The following TSC22D2 variants were observed in gnomAD, a reference collection of about 807,000 sequenced individuals.
TSC22D2 encodes TSC22 domain family protein 2.
Under a neutral mutation model 50.1 loss-of-function variants are expected in TSC22D2, and 5 were observed. That is an observed-to-expected ratio of 0.10 (90% confidence interval 0.05 to 0.21). The LOEUF (loss-of-function observed/expected upper bound fraction) is 0.21. Ranked by LOEUF, TSC22D2 falls within the 10% of genes least tolerant of loss-of-function variation. The pLI, the probability that TSC22D2 is intolerant of heterozygous loss-of-function variation, is 1.00. For missense variants in TSC22D2, 1,003 were observed against 1,015.5 expected (o/e 0.99, Z 0.17); for synonymous variants, 501 against 450.1 (o/e 1.11, Z -1.43).
intron 1 of TSC22D2, among the ~76,000 whole-genome samples, chr3:150,453,674 G>C (rs550268786): frequency 6.6e-5 from 10 of 152,220 alleles, no homozygotes; most frequent in Non-Finnish European, 1.5e-4. Context: ...TTCTGGTTCA[G>C]GGACTACACT....
intron 1 of TSC22D2, among the ~76,000 whole-genome samples, chr3:150,421,112 T>A (rs1413681612): frequency 1.3e-5 from 2 of 152,172 alleles, no homozygotes; most frequent in Non-Finnish European, 2.9e-5. Context: ...TAAAGTTCTT[T>A]TAAAGAATAT....
chr3:150,420,485 A>G (rs1157889026), intron 1 of TSC22D2, among the ~76,000 whole-genome samples: 2 of 152,240 alleles, frequency 1.3e-5, no homozygotes, highest in Non-Finnish European at 2.9e-5. Context: ...GAATGTATGT[A>G]GAAAGAGTGA....
rs1475295286 is a variant in TSC22D2, at chr3:150,410,390, G to C, written c.1040G>C (p.Gly347Ala). ...CCTCCGCAGCCGGGCCCTGCAGTGG[G>C]CGCCCCCGCGGCGCAGCAGCCCCAG... ...SLPPQPGPAV[G>A]APAAQQPQQF... The change falls in exon 1 of 3, where the codon GGC (glycine) becomes GCC (alanine). Residue 347 changes from glycine (G) to alanine (A), a missense_variant. Gly to Ala is a moderately conservative substitution (Grantham distance 60). Coordinates refer to ENST00000688009, the MANE Select transcript of TSC22D2 (RefSeq NM_001303264.2). 1 of 1,606,468 alleles carries C rather than the reference G, an allele frequency of 6.2e-7. No individual in the cohort carries two copies. The highest frequency in any genetic ancestry group is 8.5e-7 in the Non-Finnish European group (1 of 1,177,264).
At chr3:150,411,951 T>C (rs1719590702) in intron 1 of TSC22D2, among the ~76,000 whole-genome samples, 1 of 152,238 alleles carries the variant, frequency 6.6e-6, no homozygotes, top group Non-Finnish European at 1.5e-5. Context: ...TGGAAAGATA[T>C]TCTTACTTTC....
In TSC22D2 at chr3:150,460,344, T is replaced by G. The variant is rs1284969277; in HGVS notation, c.*1708T>G. The G allele has an allele frequency of 6.6e-6, 1 of 152,222 alleles. No individual in the cohort carries two copies. The highest frequency in any genetic ancestry group is 2.4e-5 in the African/African-American group (1 of 41,454). 9.4% of individuals were successfully genotyped at this position (152,222 alleles called of 1,614,324 possible). ...TGTCTACCAAAACTTTTACTTGAAT[T>G]CAGAAAGGTGCCTGTAGAAATTAAC... On this transcript the variant is annotated 3_prime_UTR_variant, in exon 3 of 3. Coordinates refer to ENST00000688009, the MANE Select transcript of TSC22D2 (RefSeq NM_001303264.2).
chr3:150,456,181 TTTTTTTTTTTTTTG>T (rs201031845), intron 1 of TSC22D2, among the ~76,000 whole-genome samples: 1,254 of 14,142 alleles, frequency 0.089, 19 homozygotes, highest in African/African-American at 0.28. Context: ...TTTCTTTTTG[TTTTTTTTTTTTTTG>T]TTTTTTTTTG....
intron 1 of TSC22D2, among the ~76,000 whole-genome samples, chr3:150,421,386 T>G (rs1462443155): frequency 6.6e-6 from 1 of 152,064 alleles, no homozygotes; most frequent in Non-Finnish European, 1.5e-5. Context: ...TTCAGTTAGT[T>G]TTCATTTGAT....
At chr3:150,441,892 T>C (rs574916954) in intron 1 of TSC22D2, among the ~76,000 whole-genome samples, 1 of 152,306 alleles carries the variant, frequency 6.6e-6, no homozygotes, top group South Asian at 2.1e-4. Context: ...TCTAAGGTGC[T>C]CAAACCCATT....
chr3:150,463,363 A>G lies in TSC22D2; in HGVS notation c.*4727A>G, dbSNP rs567063620. ...CTTCTTTTTTCTAAGTCTCCTGCCT[A>G]TCCAAAACCAGACCTTTTCTCCCAC... On this transcript the variant is annotated 3_prime_UTR_variant, in exon 3 of 3. Coordinates refer to ENST00000688009, the MANE Select transcript of TSC22D2 (RefSeq NM_001303264.2). 2.3e-4 allele frequency: 35 copies of G among 152,312 alleles called. No homozygotes were observed. Among genetic ancestry groups the G allele is most frequent in the African/African-American group, 7.9e-4 (33 of 41,562 alleles). The allele number at this position is 152,312 out of a possible 1,614,324, so 9.4% of individuals were successfully genotyped here.
At chr3:150,446,840 ATTAGT>A (rs750216955) in intron 1 of TSC22D2, among the ~76,000 whole-genome samples, 10 of 152,224 alleles carry the variant, frequency 6.6e-5, no homozygotes, top group South Asian at 2.1e-4. Context: ...GCAAAGAAAA[ATTAGT>A]TAATAACTTT....
intron 1 of TSC22D2, among the ~76,000 whole-genome samples, chr3:150,453,712 A>C (rs1721109970): frequency 6.6e-6 from 1 of 152,234 alleles, no homozygotes; most frequent in African/African-American, 2.4e-5. Flanking sequence ...TGAACTCAAA[A>C]AATTTTAATG....
chr3:150,413,369 C>T (rs1355235761), intron 1 of TSC22D2, among the ~76,000 whole-genome samples: 1 of 152,040 alleles, frequency 6.6e-6, no homozygotes, highest in Non-Finnish European at 1.5e-5. Flanking sequence ...CTCCCTTGCC[C>T]CAATCATTTA....
At chr3:150,450,803 C>A (rs112186753) in intron 1 of TSC22D2, among the ~76,000 whole-genome samples, 2 of 151,978 alleles carry the variant, frequency 1.3e-5, no homozygotes, top group Non-Finnish European at 2.9e-5. Context: ...ATCAGTGACT[C>A]GCATTTTCTT....
At chr3:150,457,303 A>G (rs539880547) in intron 2 of TSC22D2, among the ~76,000 whole-genome samples, 176 bp downstream of exon 2, 1 of 152,328 alleles carries the variant, frequency 6.6e-6, no homozygotes, top group South Asian at 2.1e-4. Flanking sequence ...TAGTCTAGAA[A>G]TACTATTTAA....
chr3:150,417,471 C>T (rs905644973), intron 1 of TSC22D2, among the ~76,000 whole-genome samples: 2 of 152,012 alleles, frequency 1.3e-5, no homozygotes, highest in African/African-American at 4.8e-5. Flanking sequence ...AAACCAATAG[C>T]GTGTTTAATT....
At position 150,460,847 on chromosome 3, in the gene TSC22D2, T is replaced by TAAAC. The variant is rs146737823; in HGVS notation, c.*2215_*2218dup. On this transcript the variant is annotated 3_prime_UTR_variant, in exon 3 of 3. Transcript: ENST00000688009. ...ATTCTGGGGCTGGAAAAACACTTCA[T>TAAAC]AAACAAAGTAATAGTCTCCAAGGAA... 2.6e-5 allele frequency: 4 copies of TAAAC among 152,034 alleles called. No homozygotes were observed. The highest frequency in any genetic ancestry group is 9.7e-5 in the African/African-American group (4 of 41,414). 9.4% of individuals were successfully genotyped at this position (152,034 alleles called of 1,614,324 possible).
intron 1 of TSC22D2, among the ~76,000 whole-genome samples, chr3:150,414,352 G>A (rs1221263779): frequency 1.3e-5 from 2 of 152,094 alleles, no homozygotes; most frequent in East Asian, 1.9e-4. Flanking sequence ...TTTAAACTAC[G>A]TACACACTTA....
intron 1 of TSC22D2, among the ~76,000 whole-genome samples, chr3:150,437,392 T>A (rs923273732): frequency 7.2e-5 from 11 of 152,148 alleles, no homozygotes; most frequent in African/African-American, 2.7e-4. Context: ...ATGTTGTCTA[T>A]TTTCAAAATT....
In TSC22D2 at chr3:150,459,572, G is replaced by GTTTTTTTTTTTTTGTTTT. The variant is rs1721312726; in HGVS notation, c.*951_*952insTTTTTTTTTTTTTTTTGT. 6.9e-5 allele frequency: 8 copies of GTTTTTTTTTTTTTGTTTT among 115,556 alleles called. No homozygotes were observed. The highest frequency in any genetic ancestry group is 1.3e-4 in the Non-Finnish European group (7 of 55,826). 7.2% of individuals were successfully genotyped at this position (115,556 alleles called of 1,614,324 possible). A position where few individuals can be genotyped will look rare whatever the true frequency, so the allele number is the denominator to read the frequency against. ...TAATGGAGTTTGGTTTTTTTTTGTT[G>GTTTTTTTTTTTTTGTTTT]TTTTTTTTTTTTTGTCTTTTTTTTT... On this transcript the variant is annotated 3_prime_UTR_variant, in exon 3 of 3. Transcript: ENST00000688009.
Sources: allele counts gnomAD v4.1 joint callset (sites outside exome capture counted in the v4.1 genomes callset), GRCh38; gene constraint gnomAD v4.1.1; transcripts MANE v1.5; gene names NCBI Gene and HGNC (gene_info 2026-07-23, HGNC 2026-07-21).